Variants in SLC1A7 observed in about 807,000 individuals in gnomAD.
SLC1A7 encodes excitatory amino acid transporter 5.
In SLC1A7, 40 loss-of-function variants were observed where a neutral mutation model predicts 47.7. The observed-to-expected ratio is 0.84, with a 90% CI of 0.65 to 1.09. SLC1A7 has a LOEUF of 1.09. Ranked by LOEUF, SLC1A7 falls within the 50% of genes least tolerant of loss-of-function variation. The pLI, the probability that SLC1A7 is intolerant of heterozygous loss-of-function variation, is 0.00. For missense variants in SLC1A7, 746 were observed against 769.5 expected (o/e 0.97, Z 0.36); for synonymous variants, 323 against 325.6 (o/e 0.99, Z 0.09).
chr1:53,136,853 G>A (rs1645005974), intron 1 of SLC1A7, among the ~76,000 whole-genome samples: 1 of 151,372 alleles, frequency 6.6e-6, no homozygotes, highest in Non-Finnish European at 1.5e-5. Flanking sequence ...TTTTTGTAGA[G>A]ACAGTGTCTC....
chr1:53,116,174 G>A (rs1445645619), intron 2 of SLC1A7: 1 of 152,314 alleles, frequency 6.6e-6, no homozygotes, highest in Non-Finnish European at 1.5e-5. Context: ...CCCAGCGGGA[G>A]CCACCGCCTG....
Position 53,134,345 on chromosome 1 carries a change from C to G in SLC1A7, c.215+5G>C, listed in dbSNP as rs973962067. On this transcript the variant is annotated splice_donor_5th_base_variant and intron_variant, in intron 2 of 10. Coordinates refer to ENST00000371494, the MANE Select transcript of SLC1A7 (RefSeq NM_006671.6). ...CGGACCACCTGGTCAAACCCCCGCT[C>G]TCACCTGGAGACCACCAGTGGCAGG... 6.2e-7 allele frequency: 1 copy of G among 1,611,268 alleles called. No individual in the cohort carries two copies. Among genetic ancestry groups the G allele is most frequent in the African/African-American group, 1.3e-5 (1 of 75,012 alleles).
chr1:53,138,748 T>C (rs1209342663), intron 1 of SLC1A7, among the ~76,000 whole-genome samples: 1 of 152,206 alleles, frequency 6.6e-6, no homozygotes, highest in Admixed American at 6.5e-5. Context: ...TGTGTAATGT[T>C]CAAATCAGGG....
chr1:53,089,062 C>G lies in SLC1A7; in HGVS notation c.1362-83G>C, dbSNP rs1224897473. The G allele has an allele frequency of 2.7e-6, 3 of 1,110,002 alleles. No homozygotes were observed. The East Asian group carries it at 7.2e-5, about 27-fold the overall frequency. The allele number at this position is 1,110,002 out of a possible 1,614,324, so 68.8% of individuals were successfully genotyped here. A position where few individuals can be genotyped will look rare whatever the true frequency, so the allele number is the denominator to read the frequency against. On this transcript the variant is annotated intron_variant, in intron 9 of 10. Transcript: ENST00000371494. ...CAGTGCTCAACCCAGCACAGTACAG[C>G]ACGGCCGGTGACCAGCTGTCATGCA...
At chr1:53,116,834 C>T (rs530325575) in intron 2 of SLC1A7, among the ~76,000 whole-genome samples, 6 of 152,298 alleles carry the variant, frequency 3.9e-5, no homozygotes, top group East Asian at 3.9e-4. Flanking sequence ...CATTCACGTG[C>T]ATTCAAACCT....
rs1572358609 is a variant in SLC1A7 at position 53,142,555 on chromosome 1, T to C, written c.-106A>G. 1 of 1,334,384 alleles carries C rather than the reference T, an allele frequency of 7.5e-7. No individual in the cohort carries two copies. Among genetic ancestry groups the C allele is most frequent in the African/African-American group, 1.5e-5 (1 of 68,274 alleles). 82.7% of individuals were successfully genotyped at this position (1,334,384 alleles called of 1,614,324 possible). ...GGGCTCTAGCCCCTCAGCAGGCAGG[T>C]GGTCGGAGTTGCTAAACACCAGTCG... On this transcript the variant is annotated 5_prime_UTR_variant, in exon 1 of 11. Coordinates refer to ENST00000371494, the MANE Select transcript of SLC1A7 (RefSeq NM_006671.6).
chr1:53,105,328 T>G (rs1360047763), intron 4 of SLC1A7, among the ~76,000 whole-genome samples: 2 of 152,212 alleles, frequency 1.3e-5, no homozygotes, highest in Non-Finnish European at 1.5e-5. Context: ...TGGGTTTACC[T>G]ACTGGCTTTG....
chr1:53,118,124 G>A (rs1300114679), intron 2 of SLC1A7, among the ~76,000 whole-genome samples: 1 of 152,248 alleles, frequency 6.6e-6, no homozygotes, highest in Non-Finnish European at 1.5e-5. Context: ...GAGCTCACAG[G>A]CACAGAAAGG....
At chr1:53,108,364 C>T (rs770700373) in intron 3 of SLC1A7, 1 of 584,382 alleles carries the variant, frequency 1.7e-6, no homozygotes, top group African/African-American at 1.9e-5. Flanking sequence ...TTTACAACTT[C>T]CTTTACAATT....
intron 3 of SLC1A7, among the ~76,000 whole-genome samples, chr1:53,106,211 G>A (rs13375492): frequency 0.032 from 4,845 of 152,084 alleles, 255 homozygotes; most frequent in African/African-American, 0.11. Flanking sequence ...CCGCCTTGCA[G>A]GTGGGACTTG....
At chr1:53,119,083 G>T (rs200719514) in intron 2 of SLC1A7, among the ~76,000 whole-genome samples, 1 of 151,888 alleles carries the variant, frequency 6.6e-6, no homozygotes, top group Non-Finnish European at 1.5e-5. Flanking sequence ...GCCTGCTTTT[G>T]GGTCTCAGAG....
intron 5 of SLC1A7, among the ~76,000 whole-genome samples, chr1:53,094,356 G>A (rs1225843397): frequency 3.3e-5 from 5 of 152,216 alleles, no homozygotes; most frequent in East Asian, 3.9e-4. Context: ...GCTCCGTGGG[G>A]TGAGCTCTGT....
intron 2 of SLC1A7, chr1:53,115,949 G>A (rs1203206720): frequency 6.6e-6 from 1 of 152,158 alleles, no homozygotes; most frequent in Non-Finnish European, 1.5e-5. Flanking sequence ...GGGGGGTGTG[G>A]GGTGAAGTGA....
At chr1:53,103,622 T>C (rs1254604463) in intron 4 of SLC1A7, 54 bp from the exon 5 acceptor site, 2 of 1,062,352 alleles carry the variant, frequency 1.9e-6, no homozygotes, top group Non-Finnish European at 1.4e-6. Flanking sequence ...TTGTTACTAA[T>C]ATTAACGACA....
At chr1:53,090,487 C>A in intron 8 of SLC1A7, 125 bp downstream of exon 8, 1 of 1,393,514 alleles carries the variant, frequency 7.2e-7, no homozygotes. Context: ...CAGCCCTGGC[C>A]CTCTGCCTGC....
At chr1:53,132,903 A>G (rs1279461556) in intron 2 of SLC1A7, among the ~76,000 whole-genome samples, 1 of 152,210 alleles carries the variant, frequency 6.6e-6, no homozygotes, top group African/African-American at 2.4e-5. Flanking sequence ...TCAAATAGGC[A>G]GTTGGTTAAT....
intron 1 of SLC1A7, among the ~76,000 whole-genome samples, chr1:53,141,314 C>T (rs894691928): frequency 3.3e-5 from 5 of 152,012 alleles, no homozygotes; most frequent in South Asian, 2.1e-4. Context: ...TTTCTGTCCC[C>T]GACCCCCTCC....
At chr1:53,102,418 CA>C (rs1644593821) in intron 5 of SLC1A7, 1 of 152,340 alleles carries the variant, frequency 6.6e-6, no homozygotes, top group Admixed American at 6.5e-5. Context: ...AGTAACCAGG[CA>C]GTGTAGCTCG....
At chr1:53,140,683 G>A (rs186627653) in intron 1 of SLC1A7, among the ~76,000 whole-genome samples, 1 of 152,288 alleles carries the variant, frequency 6.6e-6, no homozygotes, top group East Asian at 1.9e-4. Context: ...CCTACTGTAT[G>A]CTGGGCATTG....
Sources: allele counts gnomAD v4.1 joint callset (sites outside exome capture counted in the v4.1 genomes callset), GRCh38; gene constraint gnomAD v4.1.1; transcripts MANE v1.5; gene names NCBI Gene and HGNC (gene_info 2026-07-23, HGNC 2026-07-21).